Variants in NELL1 observed in about 807,000 individuals in gnomAD.
The protein encoded by NELL1 is protein kinase C-binding protein NELL1.
Under a neutral mutation model 107.4 loss-of-function variants are expected in NELL1, and 76 were observed. The ratio of observed to expected loss-of-function variants is 0.71; its 90% CI spans 0.59 to 0.86. NELL1 has a LOEUF of 0.86. NELL1 is among the 40% of genes least tolerant of loss of function. The pLI is 0.00. For synonymous variants in NELL1, 353 were observed against 341.2 expected (o/e 1.03, Z -0.38); for missense variants, 1,024 against 1,005.5 (o/e 1.02, Z -0.25).
intron 13 of NELL1, among the ~76,000 whole-genome samples, chr11:21,127,505 A>T (rs1428054770): frequency 6.6e-6 from 1 of 152,020 alleles, no homozygotes; most frequent in Non-Finnish European, 1.5e-5. Flanking sequence ...AGTCCCAGCT[A>T]CTCATGAAGC....
At chr11:21,286,495 G>A (rs1466596871) in intron 14 of NELL1, among the ~76,000 whole-genome samples, 4 of 152,102 alleles carry the variant, frequency 2.6e-5, no homozygotes, top group South Asian at 2.1e-4. Context: ...CCAATGCCAC[G>A]CTAACTGATC....
At chr11:21,117,158 T>TTC (rs1385032347) in intron 13 of NELL1, among the ~76,000 whole-genome samples, 1 of 152,004 alleles carries the variant, frequency 6.6e-6, no homozygotes, top group Non-Finnish European at 1.5e-5. Flanking sequence ...TTGAGCTCTC[T>TTC]TCTCATTTAC....
intron 12 of NELL1, among the ~76,000 whole-genome samples, chr11:20,974,176 G>GT (rs1251997530): frequency 6.6e-6 from 1 of 152,174 alleles, no homozygotes; most frequent in African/African-American, 2.4e-5. Context: ...TGGGTGCTCA[G>GT]TAAGTATTCG....
intron 15 of NELL1, among the ~76,000 whole-genome samples, chr11:21,431,706 G>T (rs1443645243): frequency 6.6e-6 from 1 of 152,122 alleles, no homozygotes; most frequent in Non-Finnish European, 1.5e-5. Context: ...TGGCCCCAGT[G>T]GTTCATCCCA....
intron 12 of NELL1, among the ~76,000 whole-genome samples, chr11:20,976,974 T>G (rs1259473222): frequency 1.3e-5 from 2 of 151,994 alleles, no homozygotes; most frequent in Non-Finnish European, 2.9e-5. Context: ...TGAATCATAA[T>G]TAAGAAGAGA....
chr11:21,512,847 C>T (rs148431396), intron 15 of NELL1, among the ~76,000 whole-genome samples: 658 of 152,066 alleles, frequency 4.3e-3, no homozygotes, highest in Non-Finnish European at 6.7e-3. Flanking sequence ...TATAAACCAA[C>T]GAAGCCTGTT....
chr11:21,174,997 C>T (rs910659207), intron 13 of NELL1, among the ~76,000 whole-genome samples: 1 of 151,738 alleles, frequency 6.6e-6, no homozygotes, highest in Non-Finnish European at 1.5e-5. Flanking sequence ...ATCTCCCATA[C>T]AAACAGGGCA....
At chr11:20,786,196 A>G (rs927447127) in intron 3 of NELL1, among the ~76,000 whole-genome samples, 9 of 152,108 alleles carry the variant, frequency 5.9e-5, no homozygotes, top group Middle Eastern at 3.4e-3. Flanking sequence ...CTTAAAATAC[A>G]AAAATTAGCT....
chr11:20,932,437 T>C (rs993596000), intron 9 of NELL1, among the ~76,000 whole-genome samples: 3 of 152,152 alleles, frequency 2.0e-5, no homozygotes, highest in African/African-American at 4.8e-5. Context: ...GAGGTTGAAA[T>C]AGAGCTGCAA....
intron 2 of NELL1, among the ~76,000 whole-genome samples, chr11:20,697,886 C>T (rs920373529): frequency 3.3e-5 from 5 of 152,096 alleles, no homozygotes; most frequent in South Asian, 2.1e-4. Context: ...TTCACAAAAC[C>T]GTGCTTGAGG....
At chr11:21,346,569 TA>T (rs1203903413) in intron 14 of NELL1, among the ~76,000 whole-genome samples, 12 of 147,436 alleles carry the variant, frequency 8.1e-5, no homozygotes, top group African/African-American at 2.9e-4. Context: ...TTTGATATAA[TA>T]ATATATATGA....
At chr11:21,516,691 A>G (rs1489439140) in intron 15 of NELL1, among the ~76,000 whole-genome samples, 1 of 152,042 alleles carries the variant, frequency 6.6e-6, no homozygotes, top group East Asian at 1.9e-4. Context: ...TTATACTCTT[A>G]TAGGATCACT....
intron 13 of NELL1, among the ~76,000 whole-genome samples, chr11:21,216,710 G>A (rs949086278): frequency 5.9e-5 from 9 of 152,140 alleles, no homozygotes; most frequent in Admixed American, 4.6e-4. Context: ...TTTGGAGCAC[G>A]TATATTTGCC....
chr11:21,154,221 T>C (rs1213287815), intron 13 of NELL1, among the ~76,000 whole-genome samples: 1 of 152,150 alleles, frequency 6.6e-6, no homozygotes, highest in African/African-American at 2.4e-5. Flanking sequence ...GGCAGTGGGA[T>C]AGATTATTTT....
At chr11:21,003,690 C>T (rs1415941651) in intron 12 of NELL1, among the ~76,000 whole-genome samples, 3 of 152,084 alleles carry the variant, frequency 2.0e-5, no homozygotes, top group Non-Finnish European at 4.4e-5. Context: ...TGGTAAGCTG[C>T]AGGATGAGTT....
intron 14 of NELL1, among the ~76,000 whole-genome samples, chr11:21,301,430 C>T (rs560975519): frequency 1.1e-4 from 16 of 152,162 alleles, no homozygotes; most frequent in South Asian, 4.2e-4. Flanking sequence ...TTTTAATGAT[C>T]GCCATTCTAA....
intron 3 of NELL1, among the ~76,000 whole-genome samples, chr11:20,785,062 T>G (rs1856926762): frequency 6.6e-6 from 1 of 152,046 alleles, no homozygotes; most frequent in Non-Finnish European, 1.5e-5. Flanking sequence ...TTCCAGCAGG[T>G]AAGGGAAGAA....
chr11:21,384,997 T>C (rs2133774108), intron 15 of NELL1, among the ~76,000 whole-genome samples: 1 of 152,118 alleles, frequency 6.6e-6, no homozygotes, highest in South Asian at 2.1e-4. Flanking sequence ...ACTGCTTTGT[T>C]TGCTTGGAAT....
At chr11:20,899,914 C>T (rs980551182) in intron 5 of NELL1, among the ~76,000 whole-genome samples, 1 of 151,828 alleles carries the variant, frequency 6.6e-6, no homozygotes, top group African/African-American at 2.4e-5. Context: ...CTATGGTAGT[C>T]TTAGCTTCAT....
Sources: allele counts gnomAD v4.1 joint callset (sites outside exome capture counted in the v4.1 genomes callset), GRCh38; gene constraint gnomAD v4.1.1; transcripts MANE v1.5; gene names NCBI Gene and HGNC (gene_info 2026-07-23, HGNC 2026-07-21).